Variants in ADGRL2 observed in about 807,000 individuals in gnomAD.
The protein encoded by ADGRL2 is adhesion G protein-coupled receptor L2.
Under a neutral mutation model 157.4 loss-of-function variants are expected in ADGRL2, and 44 were observed. That is an observed-to-expected ratio of 0.28 (90% CI 0.22 to 0.36). ADGRL2 has a LOEUF of 0.36. Ranked by LOEUF, ADGRL2 falls within the 10% of genes least tolerant of loss-of-function variation. The probability of loss-of-function intolerance (pLI) is 1.00; values close to 1 mark genes in which losing one functional copy is unlikely to be tolerated. For synonymous variants in ADGRL2, 585 were observed against 624.7 expected (o/e 0.94, Z 0.95); for missense variants, 1,510 against 1,768.9 (o/e 0.85, Z 2.63).
At chr1:81,460,699 T>G (rs1571029306) in intron 2 of ADGRL2, among the ~76,000 whole-genome samples, 1 of 152,162 alleles carries the variant, frequency 6.6e-6, no homozygotes, top group Non-Finnish European at 1.5e-5. Flanking sequence ...CCCTTTTACT[T>G]TATTAACAAA....
chr1:81,733,921 A>G (rs984838178), intron 1 of ADGRL2, among the ~76,000 whole-genome samples: 2 of 152,128 alleles, frequency 1.3e-5, no homozygotes, highest in African/African-American at 4.8e-5. Flanking sequence ...TAATTTATAC[A>G]ACAAACCTCC....
chr1:81,762,110 T>C (rs1333563244), intron 2 of ADGRL2, among the ~76,000 whole-genome samples: 3 of 152,138 alleles, frequency 2.0e-5, no homozygotes, highest in Admixed American at 1.3e-4. Flanking sequence ...TTGAACATAG[T>C]ATATCCAACA....
At chr1:81,707,172 A>G (rs2083764511) in intron 1 of ADGRL2, among the ~76,000 whole-genome samples, 1 of 152,144 alleles carries the variant, frequency 6.6e-6, no homozygotes, top group Non-Finnish European at 1.5e-5. Flanking sequence ...GTTAATGGGG[A>G]AAAACTTGAT....
rs147324065 is a variant in ADGRL2 at position 81,523,806 on chromosome 1, G to A, written c.-247-57070G>A. Among the ~76,000 whole-genome samples, 448 of 152,312 alleles carry A rather than the reference G, an allele frequency of 2.9e-3. 2 individuals carry two copies. The highest frequency in any genetic ancestry group is 0.01 in the African/African-American group (430 of 41,564). On this transcript the variant is annotated intron_variant, in intron 2 of 24. Coordinates refer to the ADGRL2 transcript ENST00000370721. ...GGGCCTGGTACGGTGGCTTGTGCCT[G>A]TAATCCCAGCACTTTGGGAGGCCGA...
chr1:81,425,841 C>T (rs1197828996), intron 1 of ADGRL2, among the ~76,000 whole-genome samples: 1 of 150,528 alleles, frequency 6.6e-6, no homozygotes. Flanking sequence ...CAAAAGACAG[C>T]TTAACAAAAG....
intron 1 of ADGRL2, among the ~76,000 whole-genome samples, chr1:81,423,987 A>G (rs978168319): frequency 1.3e-5 from 2 of 152,230 alleles, no homozygotes; most frequent in Admixed American, 6.5e-5. Flanking sequence ...GGTTGTTCTT[A>G]TCTATAATAG....
intron 2 of ADGRL2, among the ~76,000 whole-genome samples, chr1:81,902,830 G>C (rs186193667): frequency 2.0e-5 from 3 of 152,098 alleles, no homozygotes; most frequent in Non-Finnish European, 2.9e-5. Flanking sequence ...CTAGGAAGAT[G>C]TTTTCCTGTG....
At chr1:81,426,025 C>A (rs533923326) in intron 1 of ADGRL2, among the ~76,000 whole-genome samples, 161 of 152,208 alleles carry the variant, frequency 1.1e-3, no homozygotes, top group African/African-American at 3.7e-3. Flanking sequence ...CACCACCACA[C>A]CCAGCCAACA....
intron 2 of ADGRL2, among the ~76,000 whole-genome samples, chr1:81,852,744 GA>G (rs909797203): frequency 3.3e-5 from 5 of 151,550 alleles, no homozygotes; most frequent in African/African-American, 4.8e-5. Context: ...TGTCAACTTA[GA>G]AAAAAAATTA....
intron 1 of ADGRL2, among the ~76,000 whole-genome samples, chr1:81,439,656 G>A (rs1193392601): frequency 1.3e-5 from 2 of 152,250 alleles, no homozygotes; most frequent in African/African-American, 4.8e-5. Flanking sequence ...CAGCACCCAT[G>A]TGAGGGTGCC....
Position 81,865,022 on chromosome 1 carries a change from T to C in ADGRL2, c.73+27965T>C, listed in dbSNP as rs558886466. 5.3e-5 allele frequency among the ~76,000 whole-genome samples: 8 copies of C among 152,114 alleles called. No individual in the cohort carries two copies. In the South Asian group the frequency reaches 1.7e-3, roughly 32 times the overall value. On this transcript the variant is annotated intron_variant, in intron 2 of 23. Transcript: ENST00000686636. ...CACCCCCAAAAAACAAAAAAAACCT[T>C]ACGGCTTCCAGTATACCACTTTGTA...
At chr1:81,654,519 C>G (rs1187239720) in intron 3 of ADGRL2, among the ~76,000 whole-genome samples, 1 of 152,168 alleles carries the variant, frequency 6.6e-6, no homozygotes, top group Non-Finnish European at 1.5e-5. Context: ...CTCAATTAAG[C>G]TTCTTATCAC....
At chr1:81,581,870 G>GCACACA (rs1491157569) in intron 3 of ADGRL2, among the ~76,000 whole-genome samples, 2 of 15,518 alleles carry the variant, frequency 1.3e-4, no homozygotes, top group African/African-American at 4.0e-4. Flanking sequence ...CCACACACAT[G>GCACACA]CGCGCACACA....
At chr1:81,555,513 C>T (rs2080253474) in intron 2 of ADGRL2, among the ~76,000 whole-genome samples, 1 of 152,118 alleles carries the variant, frequency 6.6e-6, no homozygotes. Context: ...AAGTGATTCA[C>T]CTGCTTTGGC....
chr1:81,539,390 C>T (rs1465008934), intron 2 of ADGRL2, among the ~76,000 whole-genome samples: 1 of 152,198 alleles, frequency 6.6e-6, no homozygotes, highest in Non-Finnish European at 1.5e-5. Context: ...GGCATGTTAG[C>T]ATCTGGTCTC....
intron 16 of ADGRL2, among the ~76,000 whole-genome samples, chr1:81,971,218 CAAAAG>C (rs1018868201): frequency 3.9e-5 from 6 of 151,986 alleles, no homozygotes; most frequent in African/African-American, 1.4e-4. Flanking sequence ...TGATGAAAGA[CAAAAG>C]AAATTCAGTG....
chr1:81,820,203 G>A (rs951418005), intron 1 of ADGRL2, among the ~76,000 whole-genome samples: 3 of 152,126 alleles, frequency 2.0e-5, no homozygotes, highest in African/African-American at 7.2e-5. Context: ...GGCTCTCAAT[G>A]TATTTTTTGA....
At chr1:81,521,698 G>T (rs975090668) in intron 2 of ADGRL2, among the ~76,000 whole-genome samples, 1 of 152,142 alleles carries the variant, frequency 6.6e-6, no homozygotes, top group African/African-American at 2.4e-5. Flanking sequence ...CTGGGTCACA[G>T]ATTTCTCAAA....
chr1:81,464,898 G>C (rs1347525778), intron 2 of ADGRL2, among the ~76,000 whole-genome samples: 4 of 145,804 alleles, frequency 2.7e-5, no homozygotes, highest in African/African-American at 1.0e-4. Flanking sequence ...AGAGAAGGCT[G>C]TAGTCTTCAG....
Sources: gnomAD v4.1 joint callset for allele counts (sites outside exome capture counted in the v4.1 genomes callset) on GRCh38, gnomAD v4.1.1 for gene constraint, MANE v1.5 for transcripts, NCBI Gene and HGNC (gene_info 2026-07-23, HGNC 2026-07-21) for gene names.